UGP2: variants seen among roughly 807,000 people sequenced by gnomAD.
UGP2 encodes UTP--glucose-1-phosphate uridylyltransferase.
In UGP2, 40 loss-of-function variants were observed where a neutral mutation model predicts 49.0. The observed-to-expected ratio is 0.82, with a 90% CI of 0.63 to 1.06. The LOEUF (loss-of-function observed/expected upper bound fraction) is 1.06, where lower values mean the gene tolerates loss of function less well. Among genes scored for constraint, UGP2 ranks in the 50% least tolerant of loss-of-function variants. The pLI, the probability that UGP2 is intolerant of heterozygous loss-of-function variation, is 0.00. For missense variants in UGP2, 460 were observed against 603.5 expected (o/e 0.76, Z 2.49); for synonymous variants, 225 against 213.0 (o/e 1.06, Z -0.49).
intron 1 of UGP2, among the ~76,000 whole-genome samples, chr2:63,848,655 C>T (rs1668833085): frequency 6.6e-6 from 1 of 152,366 alleles, no homozygotes; most frequent in East Asian, 1.9e-4. Flanking sequence ...AGCCACTGCG[C>T]CCAGCCAATT....
intron 4 of UGP2, 32 bp from the exon 5 acceptor site, chr2:63,883,928 C>A: frequency 1.3e-6 from 2 of 1,577,718 alleles, no homozygotes; most frequent in South Asian, 1.2e-5. Flanking sequence ...AAAAGTGAGT[C>A]TGGGTAATCT....
intron 7 of UGP2, 41 bp from the exon 8 acceptor site, chr2:63,887,361 A>G (rs769731409): frequency 6.2e-6 from 10 of 1,610,798 alleles, no homozygotes; most frequent in African/African-American, 1.3e-5. Context: ...GTAGGTGCCT[A>G]AAACCTCTGT....
At chr2:63,853,679 G>T (rs1047847746) in intron 1 of UGP2, among the ~76,000 whole-genome samples, 4 of 152,136 alleles carry the variant, frequency 2.6e-5, no homozygotes, top group Non-Finnish European at 5.9e-5. Flanking sequence ...TGTCAGGGAA[G>T]GGTATTATGT....
intron 1 of UGP2, among the ~76,000 whole-genome samples, chr2:63,853,602 G>A (rs1263627338): frequency 6.6e-6 from 1 of 152,076 alleles, no homozygotes; most frequent in Non-Finnish European, 1.5e-5. Context: ...CTTCCCTGTG[G>A]TTTTTCCATG....
rs555698096 is a variant in UGP2 at position 63,886,605 on chromosome 2, C to G, written c.1071+67C>G. ...GGTCATAGTAGGCTACACACAGACCCCATCGCCCACTCCCTCTGTCCCATC... is the reference window on the plus strand; with the variant it reads ...GGTCATAGTAGGCTACACACAGACCGCATCGCCCACTCCCTCTGTCCCATC... On this transcript the variant is annotated intron_variant, in intron 7 of 9. Transcript: ENST00000337130. 11 of 1,539,874 alleles carry G rather than the reference C, an allele frequency of 7.1e-6. No homozygotes were observed. In the Admixed American group the frequency reaches 1.2e-4, roughly 17 times the overall value.
At chr2:63,873,398 A>C in intron 3 of UGP2, among the ~76,000 whole-genome samples, 1 of 152,204 alleles carries the variant, frequency 6.6e-6, no homozygotes. Context: ...CTGGGAAATG[A>C]ATGACTTCTG....
At position 63,890,058 on chromosome 2, in the gene UGP2, TTA is replaced by T. The variant is rs764275284; in HGVS notation, c.1315-21_1315-20del. Reference sequence around the variant, plus strand: ...CTTTGAACCCATTTGAGACAAATTTTTATGTTTCTCCTTTTCTGTAAGGTTCA... The same window carrying T: ...CTTTGAACCCATTTGAGACAAATTTTTGTTTCTCCTTTTCTGTAAGGTTCA... On this transcript the variant is annotated intron_variant, in intron 8 of 9. Coordinates refer to ENST00000337130, the MANE Select transcript of UGP2 (RefSeq NM_006759.4). The T allele has an allele frequency of 6.4e-6, 10 of 1,566,962 alleles. No individual in the cohort carries two copies. The East Asian group carries it at 6.8e-5, about 11-fold the overall frequency.
chr2:63,886,928 T>C (rs1671717288), intron 7 of UGP2, among the ~76,000 whole-genome samples: 1 of 152,174 alleles, frequency 6.6e-6, no homozygotes, highest in East Asian at 1.9e-4. Flanking sequence ...AAAGATTACA[T>C]GTTTAAGAGT....
chr2:63,849,859 T>C (rs150546435), intron 1 of UGP2, among the ~76,000 whole-genome samples: 287 of 152,332 alleles, frequency 1.9e-3, no homozygotes, highest in African/African-American at 6.6e-3. Context: ...TTGGACTCAC[T>C]GACCTTAAAG....
At chr2:63,846,659 A>G (rs960109631) in intron 1 of UGP2, among the ~76,000 whole-genome samples, 3 of 152,210 alleles carry the variant, frequency 2.0e-5, no homozygotes, top group Non-Finnish European at 2.9e-5. Flanking sequence ...GCAGCTAGCC[A>G]GGGAAGATTA....
chr2:63,842,207 A>G lies in UGP2; in HGVS notation c.19+3A>G, dbSNP rs765892058. 1 of 1,607,372 alleles carries G rather than the reference A, an allele frequency of 6.2e-7. No homozygotes were observed. Among genetic ancestry groups the G allele is most frequent in the South Asian group, 1.1e-5 (1 of 89,792 alleles). ...TAAAATGTCGAGATTTGTACAAGGT[A>G]AGAAATGCTGCTGCTTATATCCCGA... is the stretch of plus-strand genomic sequence containing the variant. On this transcript the variant is annotated splice_donor_region_variant and intron_variant, in intron 1 of 9. Coordinates refer to ENST00000337130, the MANE Select transcript of UGP2 (RefSeq NM_006759.4).
intron 3 of UGP2, among the ~76,000 whole-genome samples, chr2:63,879,966 G>A (rs1671179896): frequency 6.6e-6 from 1 of 152,138 alleles, no homozygotes; most frequent in Admixed American, 6.6e-5. Context: ...ATCCTTGTGA[G>A]ACCTCTGTAA....
chr2:63,862,058 T>A (rs755093909), intron 3 of UGP2, among the ~76,000 whole-genome samples: 3 of 152,036 alleles, frequency 2.0e-5, no homozygotes, highest in African/African-American at 7.3e-5. Flanking sequence ...AAAAAAATCT[T>A]GAGGCAATCT....
intron 1 of UGP2, among the ~76,000 whole-genome samples, chr2:63,847,643 C>T (rs1304131536): frequency 6.6e-6 from 1 of 152,072 alleles, no homozygotes; most frequent in Non-Finnish European, 1.5e-5. Context: ...GGGGTTTGTT[C>T]TCTGGCGGGC....
upstream of UGP2, among the ~76,000 whole-genome samples, chr2:63,841,408 C>T (rs1671523644): frequency 6.6e-6 from 1 of 152,046 alleles, no homozygotes; most frequent in Non-Finnish European, 1.5e-5. Context: ...GGTGCCCTCC[C>T]TTGGGACTCC....
chr2:63,860,952 C>T (rs937624204), intron 3 of UGP2, among the ~76,000 whole-genome samples: 11 of 151,728 alleles, frequency 7.2e-5, no homozygotes, highest in African/African-American at 2.4e-4. Flanking sequence ...AGGTTTTACT[C>T]GTTCTTACCT....
At chr2:63,856,827 T>G (rs1487332634) in intron 2 of UGP2, 1 of 458,496 alleles carries the variant, frequency 2.2e-6, no homozygotes, top group Non-Finnish European at 4.4e-6. Flanking sequence ...TTGACAATTG[T>G]CATAGAAGTT....
chr2:63,868,551 A>G (rs948841902), intron 3 of UGP2, among the ~76,000 whole-genome samples: 3 of 152,200 alleles, frequency 2.0e-5, no homozygotes, highest in African/African-American at 7.2e-5. Context: ...AAACCGTGTA[A>G]TGAATATAAA....
chr2:63,883,041 T>A (rs1671421149), intron 4 of UGP2, among the ~76,000 whole-genome samples: 1 of 152,204 alleles, frequency 6.6e-6, no homozygotes, highest in Admixed American at 6.5e-5. Flanking sequence ...CTAAGAACTG[T>A]TCTTGGCTTC....
Sources: allele counts gnomAD v4.1 joint callset (sites outside exome capture counted in the v4.1 genomes callset), GRCh38; gene constraint gnomAD v4.1.1; transcripts MANE v1.5; gene names NCBI Gene and HGNC (gene_info 2026-07-23, HGNC 2026-07-21).